The following CD2AP variants were observed in gnomAD, a reference collection of about 807,000 sequenced individuals.
CD2AP encodes the protein CD2 associated protein, also known as CD2-associated protein.
Under a neutral mutation model 85.1 loss-of-function variants are expected in CD2AP, and 46 were observed. The ratio of observed to expected loss-of-function variants is 0.54; its 90% CI spans 0.43 to 0.69. The LOEUF is 0.69. Among genes scored for constraint, CD2AP ranks in the 30% least tolerant of loss-of-function variants. The pLI is 0.00. For synonymous variants in CD2AP, 255 were observed against 252.9 expected (o/e 1.01, Z -0.08); for missense variants, 769 against 729.5 (o/e 1.05, Z -0.62).
chr6:47,527,169 C>T (rs1766753421), intron 2 of CD2AP, among the ~76,000 whole-genome samples: 1 of 151,924 alleles, frequency 6.6e-6, no homozygotes, highest in South Asian at 2.1e-4. Context: ...TGAACAGTTA[C>T]ATGAAGAGGT....
chr6:47,536,512 A>G (rs1416655431), intron 3 of CD2AP, among the ~76,000 whole-genome samples: 1 of 152,164 alleles, frequency 6.6e-6, no homozygotes, highest in Non-Finnish European at 1.5e-5. Flanking sequence ...AATAAGTATA[A>G]TGATGTTGAG....
At chr6:47,538,360 A>G (rs548380805) in intron 3 of CD2AP, among the ~76,000 whole-genome samples, 23 of 151,984 alleles carry the variant, frequency 1.5e-4, no homozygotes, top group Middle Eastern at 3.4e-3. Flanking sequence ...TCCTGCCCCA[A>G]CGTCCCAAGT....
chr6:47,575,207 G>A lies in CD2AP; in HGVS notation c.729+956G>A, dbSNP rs554725866. On this transcript the variant is annotated intron_variant, in intron 6 of 17. Transcript: ENST00000359314. ...GTCAAATTGATTCTTGGTTTTAAAGGTAAAGTTTGGAATTCTCATGGTTTT... is the reference window on the plus strand; with the variant it reads ...GTCAAATTGATTCTTGGTTTTAAAGATAAAGTTTGGAATTCTCATGGTTTT... Among the ~76,000 whole-genome samples, 4 of 152,214 alleles carry A rather than the reference G, an allele frequency of 2.6e-5. No individual in the cohort carries two copies. In the East Asian group the frequency reaches 7.7e-4, roughly 29 times the overall value.
intron 5 of CD2AP, among the ~76,000 whole-genome samples, chr6:47,573,603 C>T (rs942571981): frequency 2.6e-5 from 4 of 151,472 alleles, no homozygotes; most frequent in African/African-American, 9.7e-5. Context: ...ATTCTCCTGC[C>T]TTAGCCTCCC....
At chr6:47,502,648 C>A (rs952563263) in intron 1 of CD2AP, among the ~76,000 whole-genome samples, 7 of 152,100 alleles carry the variant, frequency 4.6e-5, no homozygotes, top group African/African-American at 1.7e-4. Context: ...CGCCCACCAC[C>A]ATGCCGGGCT....
chr6:47,578,791 G>A (rs993212789), intron 8 of CD2AP, among the ~76,000 whole-genome samples: 2 of 151,706 alleles, frequency 1.3e-5, no homozygotes, highest in Non-Finnish European at 2.9e-5. Context: ...TGAGTAGCTG[G>A]GACTACAGGC....
chr6:47,624,301 T>G lies in CD2AP; in HGVS notation c.*74T>G, dbSNP rs910550476. 3.4e-6 allele frequency: 4 copies of G among 1,159,448 alleles called. No individual in the cohort carries two copies. Among genetic ancestry groups the G allele is most frequent in the Non-Finnish European group, 3.9e-6 (3 of 768,996 alleles). The allele number at this position is 1,159,448 out of a possible 1,614,324, so 71.8% of individuals were successfully genotyped here. ...CTATGAACTTCAGCTGACTTGTTAC[T>G]TAAAAATTGTGAATTCTGTTGTTGT... On this transcript the variant is annotated 3_prime_UTR_variant, in exon 18 of 18. Coordinates refer to ENST00000359314, the MANE Select transcript of CD2AP (RefSeq NM_012120.3).
At chr6:47,569,704 G>A (rs1768098640) in intron 5 of CD2AP, among the ~76,000 whole-genome samples, 1 of 152,056 alleles carries the variant, frequency 6.6e-6, no homozygotes, top group South Asian at 2.1e-4. Context: ...GCTCATTGCT[G>A]ATGAGACACA....
intron 2 of CD2AP, among the ~76,000 whole-genome samples, chr6:47,522,514 T>A (rs1461552256): frequency 6.6e-6 from 1 of 152,216 alleles, no homozygotes; most frequent in Non-Finnish European, 1.5e-5. Flanking sequence ...GAACTGCTGT[T>A]ACTTACATTT....
intron 5 of CD2AP, among the ~76,000 whole-genome samples, chr6:47,570,885 T>G (rs1383227827): frequency 6.6e-6 from 1 of 152,166 alleles, no homozygotes; most frequent in Non-Finnish European, 1.5e-5. Context: ...GTAGTAAAAT[T>G]TGGTATTTTT....
At chr6:47,565,096 C>G (rs1307516119) in intron 5 of CD2AP, among the ~76,000 whole-genome samples, 1 of 152,022 alleles carries the variant, frequency 6.6e-6, no homozygotes, top group African/African-American at 2.4e-5. Context: ...AATGTTGAGT[C>G]TTCACAGATA....
At chr6:47,506,794 GGAGGGA>G (rs765919738) in intron 2 of CD2AP, among the ~76,000 whole-genome samples, 2,410 of 79,202 alleles carry the variant, frequency 0.03, 67 homozygotes, top group African/African-American at 0.1. Flanking sequence ...AGAGGGAGAC[GGAGGGA>G]GAGGGAGAGG....
chr6:47,620,421 C>A (rs1769713233), intron 17 of CD2AP, among the ~76,000 whole-genome samples: 1 of 152,134 alleles, frequency 6.6e-6, no homozygotes, highest in South Asian at 2.1e-4. Context: ...TATATTTATA[C>A]CAGTACCATG....
Position 47,607,989 on chromosome 6 carries a change from G to C in CD2AP, c.1593G>C (p.Lys531Asn). 1 of 1,612,944 alleles carries C rather than the reference G, an allele frequency of 6.2e-7. No individual in the cohort carries two copies. The highest frequency in any genetic ancestry group is 2.2e-5 in the East Asian group (1 of 44,794). ...LPKEEDSANL[K>N]PSELKKDTCY... Reference sequence around the variant, plus strand: ...AAGAAGAAGACAGTGCCAACCTGAAGCCATCTGAATTAAAAAAAGATACAT... The same window carrying C: ...AAGAAGAAGACAGTGCCAACCTGAACCCATCTGAATTAAAAAAAGATACAT... The change falls in exon 15 of 18, where the codon AAG (lysine) becomes AAC (asparagine). Residue 531 changes from lysine to asparagine, a missense_variant. Physicochemically the swap from Lys to Asn is moderately conservative, Grantham distance 94. Coordinates refer to ENST00000359314, the MANE Select transcript of CD2AP (RefSeq NM_012120.3).
chr6:47,550,333 A>G (rs976774846), intron 4 of CD2AP, among the ~76,000 whole-genome samples: 94 of 152,212 alleles, frequency 6.2e-4, no homozygotes, highest in African/African-American at 2.2e-3. Flanking sequence ...TCCAGAATCT[A>G]CAATGAACTC....
intron 4 of CD2AP, among the ~76,000 whole-genome samples, chr6:47,552,677 C>G (rs910140855): frequency 1.3e-5 from 2 of 152,142 alleles, no homozygotes; most frequent in Non-Finnish European, 2.9e-5. Context: ...TCAGTTGTTG[C>G]CAGTTGGGGT....
At chr6:47,607,124 A>G (rs1472491163) in intron 14 of CD2AP, among the ~76,000 whole-genome samples, 1 of 149,860 alleles carries the variant, frequency 6.7e-6, no homozygotes, top group African/African-American at 2.4e-5. Flanking sequence ...CCATGTTGCA[A>G]ATGACAGGAT....
intron 9 of CD2AP, among the ~76,000 whole-genome samples, chr6:47,580,244 A>G (rs1322210163): frequency 1.3e-5 from 2 of 152,210 alleles, no homozygotes; most frequent in Admixed American, 1.3e-4. Context: ...TTTGTACATT[A>G]CGGCTTATCA....
At chr6:47,547,563 G>A (rs1767398446) in intron 4 of CD2AP, among the ~76,000 whole-genome samples, 2 of 152,004 alleles carry the variant, frequency 1.3e-5, no homozygotes, top group South Asian at 4.1e-4. Flanking sequence ...AAATGAGATA[G>A]TAAGACAATA....
Sources: allele counts gnomAD v4.1 joint callset (sites outside exome capture counted in the v4.1 genomes callset), GRCh38; gene constraint gnomAD v4.1.1; transcripts MANE v1.5; gene names NCBI Gene and HGNC (gene_info 2026-07-23, HGNC 2026-07-21).